Variants in ERBIN observed in about 807,000 individuals in gnomAD.
ERBIN encodes erbb2 interacting protein.
In ERBIN, 60 loss-of-function variants were observed where a neutral mutation model predicts 158.4. The observed-to-expected ratio is 0.38, with a 90% CI of 0.31 to 0.47. The LOEUF is 0.47. Among genes scored for constraint, ERBIN ranks in the 20% least tolerant of loss-of-function variants. The probability of loss-of-function intolerance (pLI) is 0.99; values close to 1 mark genes in which losing one functional copy is unlikely to be tolerated. For missense variants in ERBIN, 1,610 were observed against 1,648.0 expected (o/e 0.98, Z 0.40); for synonymous variants, 594 against 557.2 (o/e 1.07, Z -0.93).
chr5:65,948,753 C>G (rs1746118288), intron 1 of ERBIN, among the ~76,000 whole-genome samples: 1 of 114,112 alleles, frequency 8.8e-6, no homozygotes, highest in Admixed American at 9.2e-5. Context: ...TACTGGAGTT[C>G]TGTTTTGCGT....
At chr5:65,957,825 C>G (rs911623829) in intron 1 of ERBIN, among the ~76,000 whole-genome samples, 1 of 141,796 alleles carries the variant, frequency 7.1e-6, no homozygotes, top group Non-Finnish European at 1.5e-5. Flanking sequence ...CCGGACGGGG[C>G]GGCTGCCGGG....
rs560373451 is a variant in ERBIN at position 65,930,074 on chromosome 5, C to T, written c.-58+3268C>T. 2.0e-5 allele frequency among the ~76,000 whole-genome samples: 3 copies of T among 152,326 alleles called. No homozygotes were observed. In the East Asian group the frequency reaches 5.8e-4, roughly 29 times the overall value. On this transcript the variant is annotated intron_variant, in intron 1 of 25. Coordinates refer to ENST00000284037, the MANE Select transcript of ERBIN (RefSeq NM_001253697.2). ...AGCTTCCTATATTTATAGTTAGCTT[C>T]ATTTACCTAGCCTTATTTTCTCTGT... is the stretch of plus-strand genomic sequence containing the variant.
intron 1 of ERBIN, among the ~76,000 whole-genome samples, chr5:65,942,842 A>G (rs1337064995): frequency 6.6e-6 from 1 of 150,406 alleles, no homozygotes; most frequent in African/African-American, 2.5e-5. Context: ...CAGGAGGCGG[A>G]GGCTGTGGCG....
At chr5:65,981,486 A>G (rs1750643898) in intron 1 of ERBIN, among the ~76,000 whole-genome samples, 1 of 152,172 alleles carries the variant, frequency 6.6e-6, no homozygotes, top group Non-Finnish European at 1.5e-5. Context: ...AAAGATCAAT[A>G]CAATTGATAG....
intron 7 of ERBIN, among the ~76,000 whole-genome samples, 178 bp from the exon 8 acceptor site, chr5:66,021,144 T>C (rs1310040232): frequency 6.7e-6 from 1 of 148,310 alleles, no homozygotes; most frequent in African/African-American, 2.5e-5. Context: ...TAACTGATAA[T>C]TATTTTATCT....
chr5:66,021,477 A>T, intron 8 of ERBIN, 92 bp downstream of exon 8: 2 of 959,658 alleles, frequency 2.1e-6, no homozygotes, highest in Non-Finnish European at 3.0e-6. Flanking sequence ...CAAATTGGAT[A>T]AAGGTTTACT....
chr5:65,977,373 G>C, intron 1 of ERBIN, among the ~76,000 whole-genome samples: 1 of 151,546 alleles, frequency 6.6e-6, no homozygotes, highest in Admixed American at 6.6e-5. Context: ...GGTGGCTGCT[G>C]GGCGGAGGGG....
Position 66,018,572 on chromosome 5 carries a change from T to A in ERBIN, c.534-2750T>A, listed in dbSNP as rs868413978. ...TATATATTATATAATATATATTATA[T>A]TATATAATATATATTATATAATATA... On this transcript the variant is annotated intron_variant, in intron 7 of 25. Coordinates refer to ENST00000284037, the MANE Select transcript of ERBIN (RefSeq NM_001253697.2). Among the ~76,000 whole-genome samples, 27 of 29,844 alleles carry A rather than the reference T, an allele frequency of 9.0e-4. 11 individuals are homozygous for A. The highest frequency in any genetic ancestry group is 6.7e-3 in the African/African-American group (26 of 3,890). The allele number at this position is 29,844 out of a possible 152,430, so 19.6% of individuals were successfully genotyped here.
rs1303399412 is a variant in ERBIN, at chr5:66,028,313, A to G, written c.1176A>G (p.Gln392=). The change falls in exon 14 of 26, where the codon CAA becomes CAG. Residue 392 remains glutamine, a synonymous_variant. Transcript: ENST00000284037. ...CCTTTAGCTTTACAAAGCTACAGCA[A>G]TTGACAGCTATGTGGCTCTCAGATA... is the stretch of plus-strand genomic sequence containing the variant. ...NLPFSFTKLQ[Q]LTAMWLSDNQ... is the part of the protein sequence containing the mutation. 2 of 1,612,852 alleles carry G rather than the reference A, an allele frequency of 1.2e-6. No homozygotes were observed. The highest frequency in any genetic ancestry group is 8.5e-7 in the Non-Finnish European group (1 of 1,179,238).
chr5:65,964,741 C>CTT (rs70987103), intron 1 of ERBIN, among the ~76,000 whole-genome samples: 1,573 of 119,384 alleles, frequency 0.013, 58 homozygotes, highest in African/African-American at 0.025. Context: ...CCAGAGCAAT[C>CTT]TTTTTTTTTT....
At chr5:66,011,321 T>G (rs561243343) in intron 4 of ERBIN, among the ~76,000 whole-genome samples, 1 of 152,312 alleles carries the variant, frequency 6.6e-6, no homozygotes, top group Admixed American at 6.5e-5. Context: ...GTCTTCCTCT[T>G]CTATCTGCAG....
intron 4 of ERBIN, among the ~76,000 whole-genome samples, chr5:66,006,400 G>C (rs893961495): frequency 2.0e-5 from 3 of 152,144 alleles, no homozygotes; most frequent in African/African-American, 7.2e-5. Context: ...ATTCACGATG[G>C]ATTAAAGACT....
chr5:66,001,381 A>G (rs959521308), intron 4 of ERBIN, among the ~76,000 whole-genome samples: 9 of 152,144 alleles, frequency 5.9e-5, no homozygotes, highest in African/African-American at 1.9e-4. Flanking sequence ...GTTATTCATC[A>G]TATCATCAAG....
chr5:66,011,727 A>C (rs1664890407), intron 4 of ERBIN, among the ~76,000 whole-genome samples: 1 of 151,986 alleles, frequency 6.6e-6, no homozygotes, highest in Admixed American at 6.6e-5. Context: ...CTTTTTTTTT[A>C]AAGTGAGAGA....
intron 1 of ERBIN, chr5:65,961,071 T>G (rs1747854186): frequency 6.6e-6 from 1 of 152,224 alleles, no homozygotes; most frequent in Non-Finnish European, 1.5e-5. Context: ...ATTTTAAACA[T>G]TTGATTAAAA....
At chr5:65,974,412 A>G (rs936194058) in intron 1 of ERBIN, among the ~76,000 whole-genome samples, 24 of 152,264 alleles carry the variant, frequency 1.6e-4, no homozygotes, top group Non-Finnish European at 2.9e-5. Context: ...CTATAGAGGC[A>G]GTGCTGCTCC....
intron 16 of ERBIN, among the ~76,000 whole-genome samples, chr5:66,043,427 G>A (rs1758110932): frequency 6.6e-6 from 1 of 152,024 alleles, no homozygotes; most frequent in Non-Finnish European, 1.5e-5. Flanking sequence ...AAATATAAGA[G>A]GAAAACGTTA....
intron 13 of ERBIN, among the ~76,000 whole-genome samples, chr5:66,027,823 T>C (rs955137345): frequency 6.6e-6 from 1 of 152,018 alleles, no homozygotes; most frequent in African/African-American, 2.4e-5. Flanking sequence ...TAGGGTAGTC[T>C]TCTAGATTAT....
intron 1 of ERBIN, among the ~76,000 whole-genome samples, chr5:65,927,203 T>G (rs1742762051): frequency 6.6e-6 from 1 of 152,080 alleles, no homozygotes; most frequent in Non-Finnish European, 1.5e-5. Context: ...CTGCAGTGAG[T>G]GATTTGCTGT....
Sources: gnomAD v4.1 joint callset for allele counts (sites outside exome capture counted in the v4.1 genomes callset) on GRCh38, gnomAD v4.1.1 for gene constraint, MANE v1.5 for transcripts, NCBI Gene and HGNC (gene_info 2026-07-23, HGNC 2026-07-21) for gene names.